The following RBFOX1 variants were observed in gnomAD, a reference collection of about 807,000 sequenced individuals.
RBFOX1 encodes RNA binding protein fox-1 homolog 1.
RBFOX1 carries 8 observed loss-of-function variants against 57.7 expected under a neutral mutation model. The ratio of observed to expected loss-of-function variants is 0.14; its 90% CI spans 0.08 to 0.25. RBFOX1 has a LOEUF of 0.25. Ranked by LOEUF, RBFOX1 falls within the 10% of genes least tolerant of loss-of-function variation. The pLI is 1.00. For missense variants in RBFOX1, 611 were observed against 548.5 expected (o/e 1.11, Z -1.14); for synonymous variants, 326 against 222.4 (o/e 1.47, Z -4.15).
intron 2 of RBFOX1, among the ~76,000 whole-genome samples, chr16:6,502,218 C>G (rs1202147273): frequency 6.6e-6 from 1 of 152,134 alleles, no homozygotes. Flanking sequence ...GGGAGCTATG[C>G]AGATCCATCT....
rs73522769 is a variant in RBFOX1 at position 5,550,560 on chromosome 16, A to G, written c.259-48342A>G. On this transcript the variant is annotated intron_variant, in intron 2 of 2. Coordinates refer to the RBFOX1 transcript ENST00000585867. The stretch of plus-strand genomic sequence containing the variant: ...CAGACATTGTTATTTCAGACCTGTC[A>G]CATTAAAAAAATGTAGTCATTGACA... Among the ~76,000 whole-genome samples, 862 of 152,304 alleles carry G rather than the reference A, an allele frequency of 5.7e-3. 16 individuals are homozygous for G. Among genetic ancestry groups the G allele is most frequent in the African/African-American group, 0.02 (821 of 41,542 alleles).
At chr16:5,869,695 G>C (rs189809871) in intron 4 of RBFOX1, among the ~76,000 whole-genome samples, 1 of 152,224 alleles carries the variant, frequency 6.6e-6, no homozygotes, top group South Asian at 2.1e-4. Context: ...GAGCCACCGC[G>C]CCCGGCTGTT....
chr16:5,884,993 C>A (rs984986000), intron 4 of RBFOX1, among the ~76,000 whole-genome samples: 1 of 152,182 alleles, frequency 6.6e-6, no homozygotes, highest in Admixed American at 6.5e-5. Context: ...GAACCTAGAA[C>A]CAATGCTTTT....
chr16:6,342,015 G>C (rs985548330), intron 2 of RBFOX1, among the ~76,000 whole-genome samples: 1 of 152,172 alleles, frequency 6.6e-6, no homozygotes, highest in Admixed American at 6.5e-5. Flanking sequence ...AATACTTACA[G>C]GTTCCAGGAA....
chr16:6,912,915 C>T (rs957686769), intron 3 of RBFOX1, among the ~76,000 whole-genome samples: 3 of 152,092 alleles, frequency 2.0e-5, no homozygotes, highest in African/African-American at 7.2e-5. Context: ...CCACCAAGCC[C>T]AGCCTAGAGC....
At chr16:6,445,231 T>C (rs896721855) in intron 2 of RBFOX1, among the ~76,000 whole-genome samples, 4 of 152,062 alleles carry the variant, frequency 2.6e-5, no homozygotes, top group African/African-American at 9.7e-5. Flanking sequence ...TTCTTCCTTT[T>C]TTTTATATAT....
rs1244195999 is a variant in RBFOX1, at chr16:6,866,504, TA to T, written c.-15-185542del. 3.9e-4 allele frequency among the ~76,000 whole-genome samples: 57 copies of T among 145,200 alleles called. 1 individual carries two copies. Among genetic ancestry groups the T allele is most frequent in the Admixed American group, 1.5e-3 (22 of 14,522 alleles). Reference sequence around the variant, plus strand: ...AGTGTGTTTCACAAAGGACTTTTTTTAAAAAAAAAAATAAGGTTAGGGCTTT... The same window carrying T: ...AGTGTGTTTCACAAAGGACTTTTTTTAAAAAAAAAATAAGGTTAGGGCTTT... On this transcript the variant is annotated intron_variant, in intron 3 of 15. Coordinates refer to ENST00000550418, the MANE Select transcript of RBFOX1 (RefSeq NM_018723.4).
intron 4 of RBFOX1, among the ~76,000 whole-genome samples, chr16:7,230,954 C>G (rs1012955385): frequency 2.0e-5 from 3 of 152,130 alleles, no homozygotes; most frequent in Non-Finnish European, 2.9e-5. Flanking sequence ...GGTAACCAGT[C>G]ACTGGTTTCC....
chr16:6,362,448 CA>C (rs1432497442), intron 2 of RBFOX1, among the ~76,000 whole-genome samples: 1 of 152,086 alleles, frequency 6.6e-6, no homozygotes, highest in East Asian at 1.9e-4. Context: ...GAGACTTAGG[CA>C]AGGTGCTAAA....
chr16:7,570,656 A>G (rs930897195), intron 5 of RBFOX1, among the ~76,000 whole-genome samples: 1 of 152,228 alleles, frequency 6.6e-6, no homozygotes, highest in Non-Finnish European at 1.5e-5. Context: ...ACATTAGCTC[A>G]ACCATTGTGG....
chr16:7,523,278 G>A (rs537050357), intron 5 of RBFOX1, among the ~76,000 whole-genome samples: 2 of 152,292 alleles, frequency 1.3e-5, no homozygotes, highest in African/African-American at 4.8e-5. Context: ...GGGTAATGGA[G>A]AAATAAATCT....
At chr16:5,640,893 C>G (rs978926244) in intron 3 of RBFOX1, among the ~76,000 whole-genome samples, 38 of 145,210 alleles carry the variant, frequency 2.6e-4, no homozygotes, top group Non-Finnish European at 3.6e-4. Context: ...GCATGCAAAC[C>G]TATGCACATA....
chr16:7,292,150 TA>T, intron 4 of RBFOX1, among the ~76,000 whole-genome samples: 2 of 131,244 alleles, frequency 1.5e-5, no homozygotes, highest in South Asian at 2.3e-4. Flanking sequence ...GTATGATATA[TA>T]ATATAGAACG....
At chr16:6,957,067 G>C (rs955316701) in intron 3 of RBFOX1, among the ~76,000 whole-genome samples, 3 of 139,654 alleles carry the variant, frequency 2.1e-5, no homozygotes, top group African/African-American at 1.0e-4. Flanking sequence ...CCCAAGGGCT[G>C]CTGGTTGCCC....
In RBFOX1 at chr16:6,671,498, C is replaced by T. The variant is rs183113547; in HGVS notation, c.-16+16848C>T. On this transcript the variant is annotated intron_variant, in intron 3 of 15. Coordinates refer to ENST00000550418, the MANE Select transcript of RBFOX1 (RefSeq NM_018723.4). ...AGACATAATAGAAGAATAGGGAAGT[C>T]TGTTGGGATGCATCTAGGAAGGAAT... is the stretch of plus-strand genomic sequence containing the variant. 3.3e-5 allele frequency among the ~76,000 whole-genome samples: 5 copies of T among 152,268 alleles called. No homozygotes were observed. The East Asian group carries it at 9.7e-4, about 29-fold the overall frequency.
At position 6,999,215 on chromosome 16, in the gene RBFOX1, TA is replaced by T. The variant is rs1315698161; in HGVS notation, c.-15-52841del. Among the ~76,000 whole-genome samples, 666 of 92,746 alleles carry T rather than the reference TA, an allele frequency of 7.2e-3. 11 individuals are homozygous for T. The highest frequency in any genetic ancestry group is 0.012 in the East Asian group (25 of 2,090). The allele number at this position is 92,746 out of a possible 152,430, so 60.8% of individuals were successfully genotyped here. On this transcript the variant is annotated intron_variant, in intron 3 of 15. Coordinates refer to ENST00000550418, the MANE Select transcript of RBFOX1 (RefSeq NM_018723.4). Reference sequence around the variant, plus strand: ...TTTTATTTTATTTTTTATTTTTATTTATTTTTTTTATTTATTTTTTTTTTTA... The same window carrying T: ...TTTTATTTTATTTTTTATTTTTATTTTTTTTTTTATTTATTTTTTTTTTTA...
At chr16:6,962,342 A>G (rs2083202421) in intron 3 of RBFOX1, among the ~76,000 whole-genome samples, 1 of 152,132 alleles carries the variant, frequency 6.6e-6, no homozygotes, top group Non-Finnish European at 1.5e-5. Context: ...GACATCTGCA[A>G]AGATCCTACA....
intron 3 of RBFOX1, among the ~76,000 whole-genome samples, chr16:5,764,231 G>A (rs2053694703): frequency 6.6e-6 from 1 of 152,308 alleles, no homozygotes; most frequent in South Asian, 2.1e-4. Flanking sequence ...ATCATGGTTA[G>A]ATGGGCTGTT....
chr16:6,495,537 C>A (rs1030639761), intron 2 of RBFOX1, among the ~76,000 whole-genome samples: 1 of 152,178 alleles, frequency 6.6e-6, no homozygotes, highest in Non-Finnish European at 1.5e-5. Context: ...CTATTGATAT[C>A]ACCCTGAAAA....
Sources: gnomAD v4.1 joint callset for allele counts (sites outside exome capture counted in the v4.1 genomes callset) on GRCh38, gnomAD v4.1.1 for gene constraint, MANE v1.5 for transcripts, NCBI Gene and HGNC (gene_info 2026-07-23, HGNC 2026-07-21) for gene names.